SGMS2: variants seen among roughly 807,000 people sequenced by gnomAD.
The protein encoded by SGMS2 is sphingomyelin synthase 2.
SGMS2 carries 21 observed loss-of-function variants against 43.8 expected under a neutral mutation model. The observed-to-expected ratio is 0.48, with a 90% CI of 0.34 to 0.69. The LOEUF is 0.69. Among genes scored for constraint, SGMS2 ranks in the 30% least tolerant of loss-of-function variants. The pLI is 0.01. For synonymous variants in SGMS2, 167 were observed against 160.6 expected, an observed-to-expected ratio of 1.04 and a Z score of -0.30; for missense variants, 384 against 443.2, an observed-to-expected ratio of 0.87 and a Z score of 1.20.
intron 1 of SGMS2, among the ~76,000 whole-genome samples, chr4:107,851,040 G>A (rs1326789909): frequency 7.2e-5 from 11 of 151,952 alleles, no homozygotes; most frequent in Admixed American, 4.6e-4. Context: ...CTTAACTCCC[G>A]TTTTGTTCTC....
intron 1 of SGMS2, among the ~76,000 whole-genome samples, chr4:107,845,474 C>T (rs2126005306): frequency 6.6e-6 from 1 of 152,296 alleles, no homozygotes; most frequent in South Asian, 2.1e-4. Context: ...TCAGCTGGTC[C>T]TCAAGGGTGC....
intron 2 of SGMS2, among the ~76,000 whole-genome samples, chr4:107,861,730 T>C (rs892275997): frequency 1.3e-5 from 2 of 152,210 alleles, no homozygotes; most frequent in African/African-American, 4.8e-5. Context: ...AAGTTGAAAA[T>C]CTTTGCTAAG....
intron 1 of SGMS2, among the ~76,000 whole-genome samples, chr4:107,856,457 C>T (rs968786342): frequency 6.6e-6 from 1 of 152,166 alleles, no homozygotes; most frequent in Non-Finnish European, 1.5e-5. Context: ...TGAATAAAAT[C>T]TATAAGCTGA....
At chr4:107,902,229 C>G (rs751547232) in intron 4 of SGMS2, among the ~76,000 whole-genome samples, 1 of 149,186 alleles carries the variant, frequency 6.7e-6, no homozygotes, top group African/African-American at 2.5e-5. Flanking sequence ...GTTGGTCTCT[C>G]CTGTACCTAA....
chr4:107,868,712 T>C (rs1318218165), intron 2 of SGMS2, among the ~76,000 whole-genome samples: 1 of 151,214 alleles, frequency 6.6e-6, no homozygotes, highest in Non-Finnish European at 1.5e-5. Context: ...AGTGAGACTT[T>C]GTCTCAAAAA....
chr4:107,882,951 C>G (rs1729476051), intron 2 of SGMS2, among the ~76,000 whole-genome samples: 1 of 152,058 alleles, frequency 6.6e-6, no homozygotes, highest in Non-Finnish European at 1.5e-5. Flanking sequence ...TTGCATCTAT[C>G]TTGAACAGAT....
At chr4:107,852,967 C>T (rs529364420) in intron 1 of SGMS2, among the ~76,000 whole-genome samples, 1 of 152,244 alleles carries the variant, frequency 6.6e-6, no homozygotes, top group South Asian at 2.1e-4. Flanking sequence ...TAAGGTTAAA[C>T]ACTTTCTCAC....
Position 107,840,975 on chromosome 4 carries a change from A to G in SGMS2, c.-327+15722A>G, listed in dbSNP as rs192551642. Reference sequence around the variant, plus strand: ...CAGGCTGAGTGTACTATTGTAAACAAAACAGATGTGGTCCCTACCATCATG... The same window carrying G: ...CAGGCTGAGTGTACTATTGTAAACAGAACAGATGTGGTCCCTACCATCATG... On this transcript the variant is annotated intron_variant, in intron 1 of 6. Coordinates refer to ENST00000690982, the MANE Select transcript of SGMS2 (RefSeq NM_001375905.1). 3.3e-5 allele frequency among the ~76,000 whole-genome samples: 5 copies of G among 152,330 alleles called. 1 individual carries two copies. In the East Asian group the frequency reaches 9.7e-4, roughly 29 times the overall value.
chr4:107,870,071 C>T (rs1176508863), intron 2 of SGMS2, among the ~76,000 whole-genome samples: 1 of 152,162 alleles, frequency 6.6e-6, no homozygotes, highest in Non-Finnish European at 1.5e-5. Context: ...TATCTATTTT[C>T]TCAATACTTT....
At chr4:107,832,688 A>G (rs572235367) in intron 1 of SGMS2, among the ~76,000 whole-genome samples, 2 of 152,330 alleles carry the variant, frequency 1.3e-5, no homozygotes, top group South Asian at 4.1e-4. Context: ...TTGGTTTACC[A>G]TGTGGAGGAT....
intron 5 of SGMS2, among the ~76,000 whole-genome samples, chr4:107,906,411 T>C (rs772651859): frequency 2.6e-5 from 4 of 152,234 alleles, no homozygotes; most frequent in African/African-American, 4.8e-5. Flanking sequence ...TCAGACTAGC[T>C]GTTAGTGCCA....
chr4:107,873,101 A>G (rs1391514438), intron 2 of SGMS2, among the ~76,000 whole-genome samples: 1 of 152,204 alleles, frequency 6.6e-6, no homozygotes. Flanking sequence ...CTTAAATTAC[A>G]TTTTAATGGG....
chr4:107,890,064 T>C (rs1203909445), intron 2 of SGMS2, among the ~76,000 whole-genome samples: 1 of 152,200 alleles, frequency 6.6e-6, no homozygotes, highest in Non-Finnish European at 1.5e-5. Flanking sequence ...TTTTTAAGTG[T>C]CTAAACTACA....
At chr4:107,887,845 A>C (rs1246495083) in intron 2 of SGMS2, among the ~76,000 whole-genome samples, 1 of 152,210 alleles carries the variant, frequency 6.6e-6, no homozygotes, top group African/African-American at 2.4e-5. Flanking sequence ...TTTGTTTTTC[A>C]AAATTTTATA....
Position 107,839,832 on chromosome 4 carries a change from C to G in SGMS2, c.-327+14579C>G, listed in dbSNP as rs2125996528. On this transcript the variant is annotated intron_variant, in intron 1 of 6. Transcript: ENST00000690982. ...TTTTTAAAACTTTACTAGAGGGAGA[C>G]ACATTTTTGAATATTGTTCCATCTG... is the stretch of plus-strand genomic sequence containing the variant. Among the ~76,000 whole-genome samples the G allele has an allele frequency of 2.0e-5, 3 of 152,172 alleles. No individual in the cohort carries two copies. The Middle Eastern group carries it at 0.01, about 518-fold the overall frequency.
chr4:107,890,935 C>A (rs548446210), intron 2 of SGMS2, among the ~76,000 whole-genome samples: 1 of 152,146 alleles, frequency 6.6e-6, no homozygotes, highest in South Asian at 2.1e-4. Flanking sequence ...GGAAACAAAA[C>A]TCAGGCTGTC....
chr4:107,836,497 T>A (rs1726185062), intron 1 of SGMS2, among the ~76,000 whole-genome samples: 2 of 152,198 alleles, frequency 1.3e-5, no homozygotes, highest in African/African-American at 4.8e-5. Context: ...CCTGGGCCTA[T>A]AAATGAAATG....
chr4:107,828,634 G>A (rs1725727471), intron 1 of SGMS2, among the ~76,000 whole-genome samples: 1 of 152,112 alleles, frequency 6.6e-6, no homozygotes, highest in Non-Finnish European at 1.5e-5. Context: ...AATCTTTCTA[G>A]CTATGTCTGT....
rs1429207861 is a variant in SGMS2, at chr4:107,912,253, T to C, written c.*1700T>C. ...AATCACTAAAGGAAAGGTAGTTGAA[T>C]TTAAAGTCATGAAGCAAGACTCTTT... On this transcript the variant is annotated 3_prime_UTR_variant, in exon 7 of 7. Transcript: ENST00000690982. 6.6e-6 allele frequency: 1 copy of C among 152,186 alleles called. No individual in the cohort carries two copies. The highest frequency in any genetic ancestry group is 6.5e-5 in the Admixed American group (1 of 15,272). The allele number at this position is 152,186 out of a possible 1,614,324, so 9.4% of individuals were successfully genotyped here. A position where few individuals can be genotyped will look rare whatever the true frequency, so the allele number is the denominator to read the frequency against.
Sources: allele counts gnomAD v4.1 joint callset (sites outside exome capture counted in the v4.1 genomes callset), GRCh38; gene constraint gnomAD v4.1.1; transcripts MANE v1.5; gene names NCBI Gene and HGNC (gene_info 2026-07-23, HGNC 2026-07-21).